Variants in STK3 observed in about 807,000 individuals in gnomAD.
The protein encoded by STK3 is serine/threonine-protein kinase 3.
A neutral mutation model predicts 58.0 loss-of-function variants in STK3; 41 were observed. The observed-to-expected ratio is 0.71, with a 90% CI of 0.55 to 0.92. STK3 has a LOEUF of 0.92. Among genes scored for constraint, STK3 ranks in the 40% least tolerant of loss-of-function variants. STK3 has a pLI of 0.00. For missense variants in STK3, 479 were observed against 602.7 expected (o/e 0.79, Z 2.15); for synonymous variants, 170 against 191.0 (o/e 0.89, Z 0.91).
At chr8:98,732,013 CA>C (rs1828245009) in intron 4 of STK3, among the ~76,000 whole-genome samples, 1 of 152,122 alleles carries the variant, frequency 6.6e-6, no homozygotes, top group Non-Finnish European at 1.5e-5. Flanking sequence ...CTATCCATGT[CA>C]GCATCAATAT....
chr8:98,436,125 T>C (rs975001084), intron 2 of STK3, among the ~76,000 whole-genome samples: 3 of 152,160 alleles, frequency 2.0e-5, no homozygotes, highest in African/African-American at 7.2e-5. Flanking sequence ...GATCAACCTC[T>C]AAGTCCTGGG....
intron 8 of STK3, among the ~76,000 whole-genome samples, chr8:98,563,384 G>C (rs1265573173): frequency 6.6e-6 from 1 of 152,118 alleles, no homozygotes; most frequent in Non-Finnish European, 1.5e-5. Flanking sequence ...GTTTAATACA[G>C]ATACAGATGT....
At chr8:98,572,087 G>A (rs1202469126) in intron 8 of STK3, among the ~76,000 whole-genome samples, 2 of 152,134 alleles carry the variant, frequency 1.3e-5, no homozygotes, top group South Asian at 4.1e-4. Context: ...CTCTTTTACT[G>A]TATAAATATT....
chr8:98,934,988 C>T (rs898568980), intron 1 of STK3, among the ~76,000 whole-genome samples: 1 of 150,388 alleles, frequency 6.6e-6, no homozygotes, highest in Non-Finnish European at 1.5e-5. Context: ...GCCTAGACAT[C>T]CTATGGCTAA....
chr8:98,437,600 A>G (rs1185419294), intron 1 of STK3: 2 of 152,302 alleles, frequency 1.3e-5, no homozygotes, highest in East Asian at 1.9e-4. Context: ...TTTCAGACCT[A>G]CTATGAAAAG....
chr8:98,633,449 A>G (rs1819402116), intron 6 of STK3: 2 of 518,712 alleles, frequency 3.9e-6, no homozygotes, highest in Non-Finnish European at 7.1e-6. Flanking sequence ...ACTGCAGATT[A>G]TTAAATCAGT....
At chr8:98,427,912 G>C in intron 3 of STK3, 1 of 1,352,250 alleles carries the variant, frequency 7.4e-7, no homozygotes. Context: ...CGGCGCTCTC[G>C]CCGACGCTGT....
intron 1 of STK3, among the ~76,000 whole-genome samples, chr8:98,440,837 G>A (rs1184113801): frequency 6.6e-6 from 1 of 152,098 alleles, no homozygotes; most frequent in South Asian, 2.1e-4. Context: ...ATGAGGAATC[G>A]GAAGCACAGA....
intron 6 of STK3, among the ~76,000 whole-genome samples, chr8:98,650,005 C>G (rs1387226094): frequency 1.3e-5 from 2 of 152,128 alleles, no homozygotes; most frequent in East Asian, 3.9e-4. Context: ...TAATTGATTA[C>G]TTTTTCCAAT....
At chr8:98,694,431 T>C (rs1412502271) in intron 6 of STK3, among the ~76,000 whole-genome samples, 1 of 152,138 alleles carries the variant, frequency 6.6e-6, no homozygotes, top group Non-Finnish European at 1.5e-5. Context: ...ACATGTGCCA[T>C]GCGGGTGTGC....
At chr8:98,765,964 C>T (rs554833322) in intron 3 of STK3, among the ~76,000 whole-genome samples, 29 of 152,306 alleles carry the variant, frequency 1.9e-4, no homozygotes, top group African/African-American at 7.0e-4. Context: ...TGTTCTCTGT[C>T]CCATACTTTC....
chr8:98,483,951 A>G (rs905274878), intron 10 of STK3, among the ~76,000 whole-genome samples: 114 of 152,292 alleles, frequency 7.5e-4, no homozygotes, highest in African/African-American at 2.5e-3. Context: ...CCAAAAAGCT[A>G]AGAGTGCCAC....
At chr8:98,941,861 G>T (rs1349580818) in intron 1 of STK3, among the ~76,000 whole-genome samples, 6 of 152,374 alleles carry the variant, frequency 3.9e-5, no homozygotes, top group Admixed American at 2.6e-4. Context: ...GTCCAGAGCC[G>T]CGAGGACAGC....
At chr8:98,705,535 T>C (rs931273296) in intron 6 of STK3, among the ~76,000 whole-genome samples, 10 of 152,198 alleles carry the variant, frequency 6.6e-5, no homozygotes, top group African/African-American at 2.2e-4. Flanking sequence ...GGCATTATAA[T>C]ATCAGATGTA....
Position 98,660,212 on chromosome 8 carries a change from T to G in STK3, c.684+46255A>C, listed in dbSNP as rs1327685281. ...TTACACTTACAGGAAGTATCTAAAG[T>G]AGTTAAATTATCATAGAGACAGAAA... On this transcript the variant is annotated intron_variant, in intron 6 of 10. Coordinates refer to ENST00000419617, the MANE Select transcript of STK3 (RefSeq NM_006281.4). Among the ~76,000 whole-genome samples, 4 of 152,028 alleles carry G rather than the reference T, an allele frequency of 2.6e-5. No homozygotes were observed. In the East Asian group the frequency reaches 7.7e-4, roughly 29 times the overall value.
At chr8:98,824,974 T>A (rs1476588948) in intron 1 of STK3, among the ~76,000 whole-genome samples, 1 of 152,154 alleles carries the variant, frequency 6.6e-6, no homozygotes, top group Non-Finnish European at 1.5e-5. Flanking sequence ...CTCAAACACA[T>A]CCCACTCTTG....
chr8:98,689,481 C>T (rs1025891845), intron 6 of STK3, among the ~76,000 whole-genome samples: 6 of 152,092 alleles, frequency 3.9e-5, no homozygotes, highest in African/African-American at 1.4e-4. Context: ...AATTCCTCCA[C>T]AAAATATTAG....
chr8:98,478,191 T>A (rs1821529415), intron 10 of STK3, among the ~76,000 whole-genome samples: 1 of 152,216 alleles, frequency 6.6e-6, no homozygotes, highest in African/African-American at 2.4e-5. Flanking sequence ...GAGGAATCTG[T>A]AAGGAAGAAT....
intron 4 of STK3, among the ~76,000 whole-genome samples, chr8:98,713,537 T>A (rs549236253): frequency 5.3e-5 from 8 of 152,190 alleles, no homozygotes; most frequent in African/African-American, 1.9e-4. Flanking sequence ...AAGAAATGGA[T>A]AAATTCCTTG....
Sources: allele counts gnomAD v4.1 joint callset (sites outside exome capture counted in the v4.1 genomes callset), GRCh38; gene constraint gnomAD v4.1.1; transcripts MANE v1.5; gene names NCBI Gene and HGNC (gene_info 2026-07-23, HGNC 2026-07-21).